Variants in COL15A1 observed in about 807,000 individuals in gnomAD.
COL15A1 encodes collagen type XV alpha 1 chain, also known as collagen alpha-1(XV) chain.
A neutral mutation model predicts 165.9 loss-of-function variants in COL15A1; 111 were observed. That is an observed-to-expected ratio of 0.67 (90% confidence interval 0.57 to 0.78). COL15A1 has a LOEUF of 0.78. Ranked by LOEUF, COL15A1 falls within the 30% of genes least tolerant of loss-of-function variation. The probability of loss-of-function intolerance (pLI) is 0.00; values close to 1 mark genes in which losing one functional copy is unlikely to be tolerated. For missense variants in COL15A1, 1,745 were observed against 1,789.7 expected, an observed-to-expected ratio of 0.98 and a Z score of 0.45; for synonymous variants, 659 against 674.8, an observed-to-expected ratio of 0.98 and a Z score of 0.36.
chr9:98,977,646 G>A (rs1207096178), intron 2 of COL15A1, among the ~76,000 whole-genome samples: 1 of 152,156 alleles, frequency 6.6e-6, no homozygotes. Flanking sequence ...CTCCCTCTTG[G>A]CGGACTCTGT....
intron 18 of COL15A1, 29 bp downstream of exon 18, chr9:99,035,183 A>G (rs991763025): frequency 1.3e-6 from 2 of 1,581,654 alleles, no homozygotes; most frequent in African/African-American, 2.7e-5. Context: ...GTGGTTATAA[A>G]AATGATGTGT....
chr9:98,989,506 A>C (rs1242832815), intron 5 of COL15A1, among the ~76,000 whole-genome samples: 1 of 152,200 alleles, frequency 6.6e-6, no homozygotes, highest in Non-Finnish European at 1.5e-5. Flanking sequence ...TCAAGGGCAA[A>C]CGCTGTGCTG....
At position 99,062,102 on chromosome 9, in the gene COL15A1, A is replaced by G. The variant is rs763067283; in HGVS notation, c.3531+3A>G. 8.1e-6 allele frequency: 13 copies of G among 1,613,940 alleles called. No individual in the cohort carries two copies. In the Admixed American group the frequency reaches 8.3e-5, roughly 10 times the overall value. On this transcript the variant is annotated splice_donor_region_variant and intron_variant, in intron 37 of 41. Transcript: ENST00000375001. ...GAGATGGCTGGAAAAAATTACAGGTAATTTCTAAACTTCCTTTAACACACT... is the reference window on the plus strand; with the variant it reads ...GAGATGGCTGGAAAAAATTACAGGTGATTTCTAAACTTCCTTTAACACACT...
chr9:98,970,641 G>A lies in COL15A1; in HGVS notation c.101-14924G>A, dbSNP rs1838033315. On this transcript the variant is annotated intron_variant, in intron 2 of 41. Transcript: ENST00000375001. ...ACTCTTCATTCAAATGAGACTTAAT[G>A]GAACCCAAATTATTAAACAAATGAA... is the stretch of plus-strand genomic sequence containing the variant. Among the ~76,000 whole-genome samples, 2 of 152,170 alleles carry A rather than the reference G, an allele frequency of 1.3e-5. 1 individual carries two copies. Among genetic ancestry groups the A allele is most frequent in the South Asian group, 4.1e-4 (2 of 4,820 alleles).
chr9:98,983,815 A>C (rs999951388), intron 2 of COL15A1, among the ~76,000 whole-genome samples: 3 of 152,198 alleles, frequency 2.0e-5, no homozygotes, highest in South Asian at 2.1e-4. Flanking sequence ...TGCCTGTATG[A>C]TAGAGGAAGA....
At chr9:98,963,320 T>G (rs1016293572) in intron 2 of COL15A1, among the ~76,000 whole-genome samples, 5 of 152,182 alleles carry the variant, frequency 3.3e-5, no homozygotes, top group African/African-American at 1.2e-4. Context: ...ACTGGGAACC[T>G]GAGGCCTCAG....
At chr9:98,944,939 CTGCCTGGG>C (rs1837553136) in intron 2 of COL15A1, among the ~76,000 whole-genome samples, 1 of 152,212 alleles carries the variant, frequency 6.6e-6, no homozygotes. Flanking sequence ...TAAGGTCAGA[CTGCCTGGG>C]TTTGAACTGT....
intron 9 of COL15A1, among the ~76,000 whole-genome samples, chr9:99,012,267 G>C (rs933263654): frequency 9.9e-5 from 15 of 152,138 alleles, no homozygotes; most frequent in African/African-American, 3.6e-4. Flanking sequence ...GTCATACCTT[G>C]TAGCGAAAAA....
At position 99,069,974 on chromosome 9, in the gene COL15A1, T is replaced by A; in HGVS notation, c.*88T>A. ...ATCTAAAATGTTTAATTGTTGTAAA[T>A]ATTACAGTTTTTTTTTTTTACTACA... On this transcript the variant is annotated 3_prime_UTR_variant, in exon 42 of 42. Transcript: ENST00000375001. 2.9e-6 allele frequency: 3 copies of A among 1,030,390 alleles called. No homozygotes were observed. Among genetic ancestry groups the A allele is most frequent in the Non-Finnish European group, 3.9e-6 (3 of 767,436 alleles). The allele number at this position is 1,030,390 out of a possible 1,614,324, so 63.8% of individuals were successfully genotyped here. A position where few individuals can be genotyped will look rare whatever the true frequency, so the allele number is the denominator to read the frequency against.
At chr9:99,029,009 A>G (rs1048760291) in intron 16 of COL15A1, among the ~76,000 whole-genome samples, 1 of 152,226 alleles carries the variant, frequency 6.6e-6, no homozygotes, top group Non-Finnish European at 1.5e-5. Context: ...GGTGAGGAGT[A>G]GCCTGCTTTC....
intron 5 of COL15A1, among the ~76,000 whole-genome samples, chr9:98,993,590 C>T (rs1838487875): frequency 6.6e-6 from 1 of 152,188 alleles, no homozygotes; most frequent in Non-Finnish European, 1.5e-5. Context: ...TGTTTGGGGT[C>T]TCTTCTACAT....
Position 98,979,159 on chromosome 9 carries a change from C to T in COL15A1, c.101-6406C>T, listed in dbSNP as rs571447414. On this transcript the variant is annotated intron_variant, in intron 2 of 41. Coordinates refer to ENST00000375001, the MANE Select transcript of COL15A1 (RefSeq NM_001855.5). ...GGGAATTTTAGGTAAATTTAAACCA[C>T]GATGCTGTGAATATTTGTGTATGTA... Among the ~76,000 whole-genome samples, 7 of 152,250 alleles carry T rather than the reference C, an allele frequency of 4.6e-5. 1 individual carries two copies. Among genetic ancestry groups the T allele is most frequent in the South Asian group, 4.1e-4 (2 of 4,828 alleles).
rs756018296 is a variant in COL15A1 at position 98,944,058 on chromosome 9, C to T, written c.-4C>T. 6.2e-7 allele frequency: 1 copy of T among 1,614,080 alleles called. No individual in the cohort carries two copies. Among genetic ancestry groups the T allele is most frequent in the Non-Finnish European group, 8.5e-7 (1 of 1,179,922 alleles). Reference sequence around the variant, plus strand: ...CGCCTTCCGGGGCTCCGCAGACCCGCGAGATGGCACCAAGGTAAGACCCGC... The same window carrying T: ...CGCCTTCCGGGGCTCCGCAGACCCGTGAGATGGCACCAAGGTAAGACCCGC... On this transcript the variant is annotated 5_prime_UTR_variant, in exon 1 of 42. Transcript: ENST00000375001.
At chr9:99,018,839 A>G (rs1304803130) in intron 11 of COL15A1, among the ~76,000 whole-genome samples, 1 of 152,236 alleles carries the variant, frequency 6.6e-6, no homozygotes, top group African/African-American at 2.4e-5. Context: ...ACCCTCTGTA[A>G]ATGTTGGCAG....
intron 16 of COL15A1, among the ~76,000 whole-genome samples, chr9:99,030,120 G>A (rs1468447735): frequency 6.6e-6 from 1 of 152,206 alleles, no homozygotes; most frequent in East Asian, 1.9e-4. Context: ...CTGAAATTGA[G>A]TAATGTCCTT....
At position 98,985,896 on chromosome 9, in the gene COL15A1, T is replaced by G; in HGVS notation, c.432T>G (p.His144Gln). ...IILYYTEPGS[H>Q]VSQEAAAFSV... ...TCTACTACACGGAGCCAGGCTCCCATGTGTCCCAAGAGGCTGCTGCCTTCT... is the reference window on the plus strand; with the variant it reads ...TCTACTACACGGAGCCAGGCTCCCAGGTGTCCCAAGAGGCTGCTGCCTTCT... The change falls in exon 3 of 42, where the codon CAT becomes CAG. Residue 144 changes from histidine to glutamine, a missense_variant. By Grantham distance (24) the His-to-Gln change is conservative. Coordinates refer to ENST00000375001, the MANE Select transcript of COL15A1 (RefSeq NM_001855.5). The G allele has an allele frequency of 6.2e-7, 1 of 1,613,906 alleles. No homozygotes were observed. The highest frequency in any genetic ancestry group is 8.5e-7 in the Non-Finnish European group (1 of 1,180,018).
At chr9:99,030,324 C>CA (rs1839197804) in intron 16 of COL15A1, among the ~76,000 whole-genome samples, 1 of 152,188 alleles carries the variant, frequency 6.6e-6, no homozygotes, top group Non-Finnish European at 1.5e-5. Context: ...TGCATGCCCT[C>CA]ACTGCACAAA....
intron 35 of COL15A1, among the ~76,000 whole-genome samples, chr9:99,058,892 T>C (rs1175570414): frequency 1.3e-5 from 2 of 152,160 alleles, no homozygotes; most frequent in African/African-American, 4.8e-5. Flanking sequence ...TGCAACGACC[T>C]GAAGGACTGT....
At chr9:99,065,362 C>A (rs1825874414) in intron 39 of COL15A1, among the ~76,000 whole-genome samples, 1 of 152,002 alleles carries the variant, frequency 6.6e-6, no homozygotes, top group Non-Finnish European at 1.5e-5. Flanking sequence ...GATGATGAGA[C>A]CATAGGGCTT....
Sources: gnomAD v4.1 joint callset for allele counts (sites outside exome capture counted in the v4.1 genomes callset) on GRCh38, gnomAD v4.1.1 for gene constraint, MANE v1.5 for transcripts, NCBI Gene and HGNC (gene_info 2026-07-23, HGNC 2026-07-21) for gene names.